Variants in TCF7L2 observed in about 807,000 individuals in gnomAD.
TCF7L2 encodes transcription factor 7 like 2, also known as transcription factor 7-like 2.
Under a neutral mutation model 77.9 loss-of-function variants are expected in TCF7L2, and 23 were observed. That is an observed-to-expected ratio of 0.30 (90% CI 0.21 to 0.42). TCF7L2 has a LOEUF of 0.42. TCF7L2 is among the 10% of genes least tolerant of loss of function. The pLI is 1.00. For missense variants in TCF7L2, 654 were observed against 793.1 expected, an observed-to-expected ratio of 0.82 and a Z score of 2.11; for synonymous variants, 413 against 340.2, an observed-to-expected ratio of 1.21 and a Z score of -2.36.
At chr10:113,039,900 AT>A (rs1218464221) in intron 4 of TCF7L2, 124 bp from the exon 5 acceptor site, 27 of 765,010 alleles carry the variant, frequency 3.5e-5, no homozygotes, top group Non-Finnish European at 5.4e-5. Flanking sequence ...TTTTTTAATG[AT>A]TATTTGCATG....
chr10:113,036,591 G>T (rs1454542888), intron 4 of TCF7L2, among the ~76,000 whole-genome samples: 1 of 151,934 alleles, frequency 6.6e-6, no homozygotes, highest in Non-Finnish European at 1.5e-5. Context: ...AATATGATTT[G>T]GGGAAAAACC....
intron 4 of TCF7L2, among the ~76,000 whole-genome samples, chr10:113,014,716 G>A (rs2047048338): frequency 1.3e-5 from 2 of 152,124 alleles, no homozygotes; most frequent in Non-Finnish European, 2.9e-5. Context: ...ATCCCAGGAG[G>A]CGGAGGCTGC....
At chr10:113,147,198 A>T (rs1364103290) in intron 8 of TCF7L2, among the ~76,000 whole-genome samples, 5 of 152,224 alleles carry the variant, frequency 3.3e-5, no homozygotes, top group Non-Finnish European at 7.3e-5. Context: ...ACCCATTCTG[A>T]TGATGGCACA....
At chr10:112,974,884 A>G (rs1287985932) in intron 4 of TCF7L2, among the ~76,000 whole-genome samples, 3 of 152,216 alleles carry the variant, frequency 2.0e-5, no homozygotes, top group Non-Finnish European at 2.9e-5. Context: ...TTACAGGCTT[A>G]TCAGGCTTAG....
At chr10:113,004,267 G>T (rs1027545332) in intron 4 of TCF7L2, among the ~76,000 whole-genome samples, 1 of 152,140 alleles carries the variant, frequency 6.6e-6, no homozygotes, top group Non-Finnish European at 1.5e-5. Context: ...GCAGGGCAGG[G>T]AGTAGGATGG....
At chr10:113,160,997 C>T (rs980204831) in intron 13 of TCF7L2, among the ~76,000 whole-genome samples, 13 of 152,126 alleles carry the variant, frequency 8.5e-5, no homozygotes, top group Middle Eastern at 3.2e-3. Flanking sequence ...GGAGCTGGTC[C>T]GGCCCTATGA....
At chr10:113,007,984 G>A (rs111872613) in intron 4 of TCF7L2, among the ~76,000 whole-genome samples, 1 of 152,204 alleles carries the variant, frequency 6.6e-6, no homozygotes. Context: ...TTGGGGCTTG[G>A]GGAAGCGTGC....
At chr10:112,979,125 T>C (rs2135150421) in intron 4 of TCF7L2, among the ~76,000 whole-genome samples, 1 of 152,252 alleles carries the variant, frequency 6.6e-6, no homozygotes, top group East Asian at 1.9e-4. Context: ...GTTTTCATCT[T>C]TCATGGAGTG....
chr10:113,109,192 G>A (rs2062805738), intron 5 of TCF7L2, among the ~76,000 whole-genome samples: 1 of 152,186 alleles, frequency 6.6e-6, no homozygotes, highest in Non-Finnish European at 1.5e-5. Context: ...TGACTTGAAG[G>A]GGATTTAGCC....
chr10:113,107,593 A>AT (rs2062510197), intron 5 of TCF7L2, among the ~76,000 whole-genome samples: 1 of 151,076 alleles, frequency 6.6e-6, no homozygotes, highest in Non-Finnish European at 1.5e-5. Context: ...AATACAAAAA[A>AT]TTAGCCGGGC....
At chr10:113,160,278 T>G (rs2072933080) in intron 12 of TCF7L2, among the ~76,000 whole-genome samples, 1 of 151,924 alleles carries the variant, frequency 6.6e-6, no homozygotes, top group Non-Finnish European at 1.5e-5. Context: ...CCCCCATCCC[T>G]TCCTTGTGAC....
In TCF7L2 at chr10:113,166,920, A is replaced by T; in HGVS notation, c.*948A>T. 4.3e-6 allele frequency: 1 copy of T among 230,526 alleles called. No individual in the cohort carries two copies. Among genetic ancestry groups the T allele is most frequent in the Admixed American group, 5.6e-5 (1 of 17,704 alleles). The allele number at this position is 230,526 out of a possible 1,614,324, so 14.3% of individuals were successfully genotyped here. The stretch of plus-strand genomic sequence containing the variant: ...AACAAAAGTTGCTTTAAAAGCCATT[A>T]TGTAAAACAAGACTTGAAAATGAGT... On this transcript the variant is annotated 3_prime_UTR_variant, in exon 14 of 14. Transcript: ENST00000627217.
chr10:113,105,730 C>T (rs10749128), intron 5 of TCF7L2, among the ~76,000 whole-genome samples: 120,756 of 152,052 alleles, frequency 0.79, 48,190 homozygotes, highest in East Asian at 0.96. Context: ...AGAAGCATCC[C>T]GTCCAGGTTC....
chr10:112,989,776 A>T (rs933507641), intron 4 of TCF7L2, among the ~76,000 whole-genome samples: 1 of 152,208 alleles, frequency 6.6e-6, no homozygotes, highest in Non-Finnish European at 1.5e-5. Flanking sequence ...GGTGGGGTAG[A>T]TGAAATGTTG....
intron 13 of TCF7L2, among the ~76,000 whole-genome samples, chr10:113,163,009 T>TA (rs113088460): frequency 0.066 from 8,740 of 131,958 alleles, 372 homozygotes; most frequent in Middle Eastern, 0.11. Flanking sequence ...AAAATGTACT[T>TA]AAAAAAAAAA....
At chr10:113,165,390 G>A (rs752359059) in intron 13 of TCF7L2, among the ~76,000 whole-genome samples, 165 bp from the exon 15 acceptor site, 1 of 152,016 alleles carries the variant, frequency 6.6e-6, no homozygotes, top group Non-Finnish European at 1.5e-5. Flanking sequence ...TGAAGTAAGC[G>A]ACCCACCCTG....
chr10:112,961,464 T>G (rs1218660751), intron 3 of TCF7L2, among the ~76,000 whole-genome samples: 1 of 152,154 alleles, frequency 6.6e-6, no homozygotes, highest in East Asian at 1.9e-4. Context: ...ATTGTTCCAG[T>G]TTAGAATGCC....
intron 5 of TCF7L2, among the ~76,000 whole-genome samples, chr10:113,097,227 C>T (rs984550604): frequency 2.0e-5 from 3 of 152,160 alleles, no homozygotes; most frequent in African/African-American, 7.2e-5. Flanking sequence ...GATGAGAAGT[C>T]CACTTGTTCC....
intron 5 of TCF7L2, among the ~76,000 whole-genome samples, chr10:113,078,672 C>T (rs1564864050): frequency 1.3e-5 from 2 of 152,060 alleles, no homozygotes; most frequent in South Asian, 2.1e-4. Flanking sequence ...CACACACACC[C>T]AGTTTGTTGC....
Sources: allele counts gnomAD v4.1 joint callset (sites outside exome capture counted in the v4.1 genomes callset), GRCh38; gene constraint gnomAD v4.1.1; transcripts MANE v1.5; gene names NCBI Gene and HGNC (gene_info 2026-07-23, HGNC 2026-07-21).